ABCG1: variants seen among roughly 807,000 people sequenced by gnomAD.
ABCG1 encodes the protein ATP-binding cassette sub-family G member 1.
In ABCG1, 29 loss-of-function variants were observed where a neutral mutation model predicts 69.2. The observed-to-expected ratio is 0.42, with a 90% confidence interval of 0.31 to 0.57. ABCG1 has a LOEUF of 0.57. Among genes scored for constraint, ABCG1 ranks in the 20% least tolerant of loss-of-function variants. The probability of loss-of-function intolerance (pLI) is 0.15; values close to 1 mark genes in which losing one functional copy is unlikely to be tolerated. For missense variants in ABCG1, 718 were observed against 898.1 expected, an observed-to-expected ratio of 0.80 and a Z score of 2.56; for synonymous variants, 370 against 374.8, an observed-to-expected ratio of 0.99 and a Z score of 0.15.
At chr21:42,293,265 TAC>T (rs2069121110) in intron 13 of ABCG1, among the ~76,000 whole-genome samples, 1 of 96,336 alleles carries the variant, frequency 1.0e-5, no homozygotes, top group Non-Finnish European at 1.9e-5. Context: ...CACCATACAC[TAC>T]ACACATACCA....
At chr21:42,234,757 C>G (rs1241025089) in intron 2 of ABCG1, among the ~76,000 whole-genome samples, 4 of 152,156 alleles carry the variant, frequency 2.6e-5, no homozygotes, top group African/African-American at 9.6e-5. Context: ...CGTTCGCGCT[C>G]TTGCCCGAGC....
chr21:42,254,951 AG>A (rs2068278940), intron 2 of ABCG1, among the ~76,000 whole-genome samples: 1 of 152,234 alleles, frequency 6.6e-6, no homozygotes, highest in Non-Finnish European at 1.5e-5. Context: ...CCTGCTGTGT[AG>A]TTTTCAGATT....
chr21:42,202,546 G>T (rs1423022157), intron 2 of ABCG1, among the ~76,000 whole-genome samples: 1 of 150,156 alleles, frequency 6.7e-6, no homozygotes, highest in Non-Finnish European at 1.5e-5. Flanking sequence ...TCCCTCTCTC[G>T]GCAGCTCCCA....
chr21:42,272,180 C>G (rs2068629281), intron 3 of ABCG1, among the ~76,000 whole-genome samples: 1 of 152,244 alleles, frequency 6.6e-6, no homozygotes, highest in Non-Finnish European at 1.5e-5. Flanking sequence ...AAAAACCTCA[C>G]TTATGGCAAA....
Position 42,219,713 on chromosome 21 carries a change from CCG to C in ABCG1, c.42+418_42+419del. On this transcript the variant is annotated intron_variant, in intron 1 of 14. Coordinates refer to ENST00000398449, the MANE Select transcript of ABCG1 (RefSeq NM_016818.3). This position sits in a 1 kb window ranked among gnomAD's most constrained non-coding sequence, Gnocchi z 5.3. ...AGAGGGGACTTGAAGAAGGGGAGCC[CCG>C]CGCGCGCGGCTGTGGGCTTGGGGAC... is the stretch of plus-strand genomic sequence containing the variant. The C allele has an allele frequency of 1.2e-5, 12 of 1,027,022 alleles. No homozygotes were observed. The highest frequency in any genetic ancestry group is 1.5e-5 in the Non-Finnish European group (11 of 741,610). The allele number at this position is 1,027,022 out of a possible 1,614,324, so 63.6% of individuals were successfully genotyped here. A position where few individuals can be genotyped will look rare whatever the true frequency, so the allele number is the denominator to read the frequency against.
At chr21:42,245,929 A>G (rs1251158198) in intron 2 of ABCG1, among the ~76,000 whole-genome samples, 3 of 135,998 alleles carry the variant, frequency 2.2e-5, no homozygotes, top group African/African-American at 8.4e-5. Context: ...TCAGCAGCAC[A>G]AGACCACATG....
rs1181298222 is a variant in ABCG1, at chr21:42,276,551, A to G, written c.538-344A>G. ...ATCCTACCATTGTTAAAGCAGGGGCATCGGAAGCCAAGAACTCCTTGGGTT... is the reference window on the plus strand; with the variant it reads ...ATCCTACCATTGTTAAAGCAGGGGCGTCGGAAGCCAAGAACTCCTTGGGTT... On this transcript the variant is annotated intron_variant, in intron 4 of 14. Coordinates refer to ENST00000398449, the MANE Select transcript of ABCG1 (RefSeq NM_016818.3). The surrounding 1 kb of genome is among the most constrained non-coding windows in gnomAD (Gnocchi z 5.3). The G allele has an allele frequency of 6.9e-6, 2 of 288,560 alleles. No individual in the cohort carries two copies. The highest frequency in any genetic ancestry group is 2.2e-5 in the African/African-American group (1 of 46,348). The allele number at this position is 288,560 out of a possible 1,614,324, so 17.9% of individuals were successfully genotyped here.
At chr21:42,290,013 T>C in intron 10 of ABCG1, 37 bp from the exon 11 acceptor site, 1 of 1,614,124 alleles carries the variant, frequency 6.2e-7, no homozygotes, top group Non-Finnish European at 8.5e-7. Context: ...AGGACGGCTT[T>C]GCGAACGCAC....
intron 3 of ABCG1, among the ~76,000 whole-genome samples, chr21:42,271,513 C>T (rs908864398): frequency 5.3e-5 from 8 of 152,138 alleles, no homozygotes; most frequent in Admixed American, 3.9e-4. Flanking sequence ...GGAGTGAATG[C>T]AAGTTGAAGA....
chr21:42,275,109 T>C (rs1027927559), intron 4 of ABCG1, among the ~76,000 whole-genome samples: 1 of 152,188 alleles, frequency 6.6e-6, no homozygotes, highest in Non-Finnish European at 1.5e-5. Flanking sequence ...GCAAAGCTTC[T>C]TCCCCATGGT....
At chr21:42,246,920 A>G (rs985194581) in intron 2 of ABCG1, among the ~76,000 whole-genome samples, 1 of 152,186 alleles carries the variant, frequency 6.6e-6, no homozygotes, top group African/African-American at 2.4e-5. Flanking sequence ...AGTTTTTAAA[A>G]GAAAAAAAAA....
chr21:42,209,880 G>A (rs746039636), intron 2 of ABCG1, among the ~76,000 whole-genome samples: 1 of 152,192 alleles, frequency 6.6e-6, no homozygotes, highest in African/African-American at 2.4e-5. Flanking sequence ...AGAGAAGAAC[G>A]AGTTTGTTTA....
At chr21:42,241,615 A>T (rs1448846645) in intron 2 of ABCG1, among the ~76,000 whole-genome samples, 1 of 104,128 alleles carries the variant, frequency 9.6e-6, no homozygotes, top group African/African-American at 5.7e-5. Context: ...AAAAAAAAAA[A>T]ATAACAAAAA....
intron 2 of ABCG1, among the ~76,000 whole-genome samples, chr21:42,235,033 CA>C (rs1157774872): frequency 6.6e-6 from 1 of 152,130 alleles, no homozygotes; most frequent in Non-Finnish European, 1.5e-5. Flanking sequence ...CTCCCTGGGA[CA>C]GGGGCGGCCC....
intron 2 of ABCG1, among the ~76,000 whole-genome samples, chr21:42,255,548 G>A (rs913592638): frequency 4.6e-5 from 7 of 152,182 alleles, no homozygotes; most frequent in African/African-American, 9.7e-5. Context: ...CAGGGCAGAC[G>A]CACTCACTGA....
At chr21:42,202,470 G>A (rs78623009) in intron 2 of ABCG1, among the ~76,000 whole-genome samples, 4,087 of 152,136 alleles carry the variant, frequency 0.027, 185 homozygotes, top group African/African-American at 0.092. Context: ...ACCGGGGGCC[G>A]GCAGGTTAGA....
chr21:42,202,534 C>G (rs991235798), intron 2 of ABCG1, among the ~76,000 whole-genome samples: 5 of 151,910 alleles, frequency 3.3e-5, no homozygotes, highest in Non-Finnish European at 5.9e-5. Flanking sequence ...TCCCTCCCCC[C>G]ATCCCTCTCT....
At chr21:42,202,680 C>T (rs1307775679) in intron 2 of ABCG1, among the ~76,000 whole-genome samples, 1 of 151,974 alleles carries the variant, frequency 6.6e-6, no homozygotes, top group Non-Finnish European at 1.5e-5. Context: ...GGCGCGATCA[C>T]AGCTCACTGC....
At chr21:42,243,994 AT>A (rs1282707709) in intron 2 of ABCG1, among the ~76,000 whole-genome samples, 1 of 150,716 alleles carries the variant, frequency 6.6e-6, no homozygotes, top group Non-Finnish European at 1.5e-5. Context: ...AATTTTTTGT[AT>A]TTTTTAGTAA....
Sources: gnomAD v4.1 joint callset for allele counts (sites outside exome capture counted in the v4.1 genomes callset) on GRCh38, gnomAD v4.1.1 for gene constraint, Gnocchi (gnomAD v3.1) non-coding constraint, MANE v1.5 for transcripts, NCBI Gene and HGNC (gene_info 2026-07-23, HGNC 2026-07-21) for gene names.